The following TENM4 variants were observed in gnomAD, a reference collection of about 807,000 sequenced individuals.
TENM4 encodes teneurin transmembrane protein 4, also known as teneurin-4.
A neutral mutation model predicts 243.3 loss-of-function variants in TENM4; 82 were observed. That is an observed-to-expected ratio of 0.34 (90% CI 0.28 to 0.40). The LOEUF is 0.40. TENM4 is among the 10% of genes least tolerant of loss of function. The probability of loss-of-function intolerance (pLI) is 1.00; values close to 1 mark genes in which losing one functional copy is unlikely to be tolerated. For synonymous variants in TENM4, 1,412 were observed against 1,456.3 expected (o/e 0.97, Z 0.69); for missense variants, 3,138 against 3,673.3 (o/e 0.85, Z 3.77).
chr11:78,815,943 T>C (rs1313031496), intron 12 of TENM4, among the ~76,000 whole-genome samples: 1 of 152,216 alleles, frequency 6.6e-6, no homozygotes, highest in Non-Finnish European at 1.5e-5. Flanking sequence ...TATCTGGATC[T>C]TGAAGGAACT....
At chr11:79,318,152 G>A (rs1399925835) in intron 1 of TENM4, among the ~76,000 whole-genome samples, 1 of 152,108 alleles carries the variant, frequency 6.6e-6, no homozygotes, top group East Asian at 1.9e-4. Flanking sequence ...TAAAAATCTT[G>A]ATCTGAATAC....
intron 12 of TENM4, among the ~76,000 whole-genome samples, chr11:78,848,725 C>G (rs867195799): frequency 6.6e-5 from 10 of 152,270 alleles, no homozygotes; most frequent in Middle Eastern, 3.4e-3. Flanking sequence ...CTCCCTTAAT[C>G]TGGACTATGA....
chr11:78,795,640 G>C lies in TENM4; in HGVS notation c.2180-8557C>G, dbSNP rs556745157. On this transcript the variant is annotated intron_variant, in intron 15 of 33. Coordinates refer to ENST00000278550, the MANE Select transcript of TENM4 (RefSeq NM_001098816.3). ...TCGTATCCACAAGAAACTCAAGTCT[G>C]CCTATGTGTGTAAATGTGCACAATG... is the stretch of plus-strand genomic sequence containing the variant. 3.3e-5 allele frequency among the ~76,000 whole-genome samples: 5 copies of C among 152,118 alleles called. No homozygotes were observed. In the East Asian group the frequency reaches 5.8e-4, roughly 18 times the overall value.
chr11:79,060,781 G>C (rs1253933522), intron 6 of TENM4, among the ~76,000 whole-genome samples: 1 of 152,210 alleles, frequency 6.6e-6, no homozygotes, highest in Non-Finnish European at 1.5e-5. Context: ...TGAGTTGCCA[G>C]GGAGATTAAA....
At chr11:78,888,563 T>A (rs1855594456) in intron 9 of TENM4, among the ~76,000 whole-genome samples, 1 of 152,188 alleles carries the variant, frequency 6.6e-6, no homozygotes, top group Admixed American at 6.5e-5. Flanking sequence ...TCAAACCCCA[T>A]CCATGCTTGA....
intron 1 of TENM4, among the ~76,000 whole-genome samples, chr11:79,373,112 T>A (rs1462184436): frequency 1.3e-5 from 2 of 152,100 alleles, no homozygotes; most frequent in Non-Finnish European, 2.9e-5. Context: ...AGAAAAAGAA[T>A]CTTGTCTTTT....
chr11:78,979,293 G>A (rs974727128), intron 6 of TENM4, among the ~76,000 whole-genome samples: 1 of 152,186 alleles, frequency 6.6e-6, no homozygotes, highest in African/African-American at 2.4e-5. Context: ...TCATAGAGGG[G>A]AAGTCGATTA....
At chr11:79,002,304 C>T (rs1858350745) in intron 6 of TENM4, among the ~76,000 whole-genome samples, 1 of 152,252 alleles carries the variant, frequency 6.6e-6, no homozygotes, top group South Asian at 2.1e-4. Flanking sequence ...CCCCAGCCAA[C>T]ACATGGGTAC....
At chr11:78,881,999 T>G (rs531312621) in intron 9 of TENM4, among the ~76,000 whole-genome samples, 1 of 152,372 alleles carries the variant, frequency 6.6e-6, no homozygotes, top group South Asian at 2.1e-4. Flanking sequence ...ATCCTGTATC[T>G]TTATCACTTT....
intron 1 of TENM4, among the ~76,000 whole-genome samples, chr11:79,393,386 C>T (rs1244918486): frequency 6.6e-6 from 1 of 152,156 alleles, no homozygotes; most frequent in Non-Finnish European, 1.5e-5. Flanking sequence ...CATCTTCACA[C>T]TAAGTTAATC....
At chr11:78,693,873 G>T (rs568628790) in intron 28 of TENM4, among the ~76,000 whole-genome samples, 3 of 152,144 alleles carry the variant, frequency 2.0e-5, no homozygotes, top group African/African-American at 7.2e-5. Context: ...AATTAGCTAC[G>T]CACGGTGGCT....
At chr11:79,096,621 G>A (rs1861083769) in intron 4 of TENM4, 1 of 151,964 alleles carries the variant, frequency 6.6e-6, no homozygotes, top group African/African-American at 2.4e-5. Context: ...AAGGCACCCA[G>A]GGAAGCCATT....
chr11:78,708,110 T>TG, intron 27 of TENM4, among the ~76,000 whole-genome samples: 1 of 152,366 alleles, frequency 6.6e-6, no homozygotes, highest in Admixed American at 6.5e-5. Flanking sequence ...ACTCTGCTGC[T>TG]GCTGAGGTTT....
intron 9 of TENM4, among the ~76,000 whole-genome samples, chr11:78,875,468 C>T (rs775974840): frequency 5.3e-5 from 8 of 152,152 alleles, no homozygotes; most frequent in East Asian, 1.9e-4. Flanking sequence ...CCTCCCAAAA[C>T]GCTAGGATTA....
At chr11:79,415,344 C>T (rs1043171870) in intron 1 of TENM4, among the ~76,000 whole-genome samples, 1 of 152,230 alleles carries the variant, frequency 6.6e-6, no homozygotes, top group Non-Finnish European at 1.5e-5. Flanking sequence ...CAGGTTGACT[C>T]ACGTGAATTT....
At chr11:79,153,274 G>A (rs764359369) in intron 3 of TENM4, among the ~76,000 whole-genome samples, 3 of 152,196 alleles carry the variant, frequency 2.0e-5, no homozygotes, top group Non-Finnish European at 4.4e-5. Context: ...TGTATGAAAA[G>A]GATTTTGTAA....
intron 4 of TENM4, among the ~76,000 whole-genome samples, chr11:79,091,585 A>G (rs1171556663): frequency 6.6e-6 from 1 of 152,144 alleles, no homozygotes; most frequent in Non-Finnish European, 1.5e-5. Flanking sequence ...GGTGACACAT[A>G]GACTAGTAGC....
chr11:78,779,208 T>C (rs1476169346), intron 16 of TENM4, among the ~76,000 whole-genome samples: 1 of 152,254 alleles, frequency 6.6e-6, no homozygotes, highest in Non-Finnish European at 1.5e-5. Context: ...ATTCTTGAAT[T>C]TTCCATGTAC....
rs567223528 is a variant in TENM4 at position 79,056,732 on chromosome 11, G to A, written c.493+8006C>T. Among the ~76,000 whole-genome samples the A allele has an allele frequency of 2.0e-5, 3 of 152,298 alleles. No individual in the cohort carries two copies. The South Asian group carries it at 6.2e-4, about 32-fold the overall frequency. ...TCAGAAACCAAGATGATCTGCAGCA[G>A]GATGGAGCGTGGTGGGAGGAGTGGG... On this transcript the variant is annotated intron_variant, in intron 6 of 33. Coordinates refer to ENST00000278550, the MANE Select transcript of TENM4 (RefSeq NM_001098816.3).
Sources: allele counts gnomAD v4.1 joint callset (sites outside exome capture counted in the v4.1 genomes callset), GRCh38; gene constraint gnomAD v4.1.1; transcripts MANE v1.5; gene names NCBI Gene and HGNC (gene_info 2026-07-23, HGNC 2026-07-21).